Variants in LRRIQ1 observed in about 807,000 individuals in gnomAD.
LRRIQ1 encodes leucine-rich repeat- and IQ domain-containing protein 1.
LRRIQ1 carries 210 observed loss-of-function variants against 211.9 expected under a neutral mutation model. That is an observed-to-expected ratio of 0.99 (90% CI 0.89 to 1.11). LRRIQ1 has a LOEUF of 1.11. Among genes scored for constraint, LRRIQ1 ranks in the 50% most tolerant of loss-of-function variants. The pLI, the probability that LRRIQ1 is intolerant of heterozygous loss-of-function variation, is 0.00. For missense variants in LRRIQ1, 2,136 were observed against 1,939.5 expected (o/e 1.10, Z -1.90); for synonymous variants, 699 against 650.1 (o/e 1.08, Z -1.14).
chr12:85,130,471 G>A (rs1335134919), intron 18 of LRRIQ1, among the ~76,000 whole-genome samples: 3 of 152,146 alleles, frequency 2.0e-5, no homozygotes, highest in African/African-American at 7.2e-5. Context: ...TAAAGAGAAG[G>A]TTCATTACCT....
intron 24 of LRRIQ1, among the ~76,000 whole-genome samples, chr12:85,209,021 CT>C (rs1471424172): frequency 6.6e-6 from 1 of 152,098 alleles, no homozygotes; most frequent in Non-Finnish European, 1.5e-5. Context: ...CACCAGTTAC[CT>C]TAATATTGGC....
chr12:85,076,264 C>G (rs1190379997), intron 11 of LRRIQ1, among the ~76,000 whole-genome samples: 2 of 151,750 alleles, frequency 1.3e-5, no homozygotes, highest in Non-Finnish European at 2.9e-5. Context: ...ACTTTAATAT[C>G]ATAGTGATAT....
In LRRIQ1 at chr12:85,046,017, T is replaced by TA. The variant is rs1190044448; in HGVS notation, c.337-2dup. 1 of 1,545,928 alleles carries TA rather than the reference T, an allele frequency of 6.5e-7. No homozygotes were observed. The highest frequency in any genetic ancestry group is 1.1e-5 in the South Asian group (1 of 88,926). On this transcript the variant is annotated splice_polypyrimidine_tract_variant and splice_region_variant and intron_variant, in intron 4 of 26. Coordinates refer to ENST00000393217, the MANE Select transcript of LRRIQ1 (RefSeq NM_001079910.2). ...AATCATTGGTACTCATTTAACCTCT[T>TA]AGATATTATCTGAAATAGAAAAAGA...
At chr12:85,233,280 C>T (rs1479226279) in intron 26 of LRRIQ1, among the ~76,000 whole-genome samples, 1 of 151,900 alleles carries the variant, frequency 6.6e-6, no homozygotes, top group East Asian at 1.9e-4. Flanking sequence ...AAGTCAATTG[C>T]ACTATATGCT....
intron 18 of LRRIQ1, among the ~76,000 whole-genome samples, chr12:85,128,646 C>A (rs536994440): frequency 6.6e-6 from 1 of 152,256 alleles, no homozygotes; most frequent in South Asian, 2.1e-4. Flanking sequence ...TTTGTCACAT[C>A]TGCTAACATT....
chr12:85,220,800 C>G (rs540185325), intron 24 of LRRIQ1, among the ~76,000 whole-genome samples: 11 of 131,258 alleles, frequency 8.4e-5, no homozygotes, highest in Non-Finnish European at 1.4e-4. Context: ...CCCCCTCCCC[C>G]CTGTTTTTAT....
intron 1 of LRRIQ1, among the ~76,000 whole-genome samples, chr12:85,251,746 T>C (rs955450962): frequency 3.3e-5 from 5 of 149,710 alleles, no homozygotes; most frequent in African/African-American, 1.3e-4. Flanking sequence ...GAAAGACATA[T>C]ATGTGTATTT....
chr12:85,205,372 T>C (rs1893491581), intron 24 of LRRIQ1, among the ~76,000 whole-genome samples: 1 of 152,210 alleles, frequency 6.6e-6, no homozygotes, highest in Admixed American at 6.5e-5. Flanking sequence ...TTACTTGGAC[T>C]GGATATGACA....
chr12:85,208,535 A>ATAG (rs1423152352), intron 24 of LRRIQ1, among the ~76,000 whole-genome samples: 2 of 152,184 alleles, frequency 1.3e-5, no homozygotes, highest in Non-Finnish European at 2.9e-5. Context: ...AATACTTAAG[A>ATAG]TAGTGGATTC....
chr12:85,260,703 C>G (rs1019269540), intron 1 of LRRIQ1, among the ~76,000 whole-genome samples: 3 of 152,100 alleles, frequency 2.0e-5, no homozygotes, highest in African/African-American at 7.2e-5. Context: ...GTTATATTTA[C>G]AAACAATTTT....
chr12:85,175,111 A>C (rs1891626329), intron 24 of LRRIQ1, among the ~76,000 whole-genome samples: 1 of 152,300 alleles, frequency 6.6e-6, no homozygotes, highest in South Asian at 2.1e-4. Flanking sequence ...ATAAAATTTA[A>C]GAATATAAAA....
chr12:85,217,496 ATATATATATATATGTGTGTGTGTG>A (rs1194620945), intron 24 of LRRIQ1, among the ~76,000 whole-genome samples: 64 of 78,330 alleles, frequency 8.2e-4, no homozygotes, highest in African/African-American at 5.5e-3. Flanking sequence ...ATATATGTAT[ATATATATATATATGTGTGTGTGTG>A]TGTGTGTGTG....
rs796773219 is a variant in LRRIQ1, at chr12:85,069,201, C to T, written c.2695+2303C>T. Among the ~76,000 whole-genome samples the T allele has an allele frequency of 6.0e-4, 89 of 147,262 alleles. No individual in the cohort carries two copies. In the East Asian group the frequency reaches 0.011, roughly 18 times the overall value. On this transcript the variant is annotated intron_variant, in intron 10 of 26. Coordinates refer to ENST00000393217, the MANE Select transcript of LRRIQ1 (RefSeq NM_001079910.2). Reference sequence around the variant, plus strand: ...TGAGAACATGCGGTGTTTGGTTTTTCGTCCTTGTGATAGTTTGCTGAGAAT... The same window carrying T: ...TGAGAACATGCGGTGTTTGGTTTTTTGTCCTTGTGATAGTTTGCTGAGAAT...
chr12:85,201,357 A>G (rs1244546302), intron 24 of LRRIQ1, among the ~76,000 whole-genome samples: 1 of 151,308 alleles, frequency 6.6e-6, no homozygotes, highest in East Asian at 1.9e-4. Context: ...AAATAGTTTC[A>G]ATATAAATGA....
chr12:85,067,471 C>T (rs1882561469), intron 10 of LRRIQ1, among the ~76,000 whole-genome samples: 1 of 151,882 alleles, frequency 6.6e-6, no homozygotes, highest in African/African-American at 2.4e-5. Flanking sequence ...AATCTCTTTT[C>T]TTACTTAAGG....
intron 20 of LRRIQ1, 89 bp downstream of exon 20, chr12:85,152,458 T>C: frequency 1.1e-6 from 1 of 945,210 alleles, no homozygotes; most frequent in East Asian, 2.8e-5. Context: ...TACAATTTAT[T>C]GACTTGAAAA....
chr12:85,251,549 T>G (rs1895943606), intron 1 of LRRIQ1, among the ~76,000 whole-genome samples: 1 of 151,950 alleles, frequency 6.6e-6, no homozygotes, highest in African/African-American at 2.4e-5. Flanking sequence ...GCTTGAGGAC[T>G]TGGTTAAATC....
In LRRIQ1 at chr12:85,197,943, T is replaced by A. The variant is rs1370387457; in HGVS notation, c.4823-31574T>A. Reference sequence around the variant, plus strand: ...ATATATATAATATAATTATATATATTTATATATAATTATATATTATATATA... The same window carrying A: ...ATATATATAATATAATTATATATATATATATATAATTATATATTATATATA... On this transcript the variant is annotated intron_variant, in intron 24 of 26. Coordinates refer to ENST00000393217, the MANE Select transcript of LRRIQ1 (RefSeq NM_001079910.2). 2.0e-4 allele frequency among the ~76,000 whole-genome samples: 21 copies of A among 106,408 alleles called. 1 individual carries two copies. The highest frequency in any genetic ancestry group is 3.8e-4 in the Admixed American group (3 of 7,952). The allele number at this position is 106,408 out of a possible 152,430, so 69.8% of individuals were successfully genotyped here.
At chr12:85,231,319 CT>C (rs1337282308) in intron 25 of LRRIQ1, among the ~76,000 whole-genome samples, 1 of 151,926 alleles carries the variant, frequency 6.6e-6, no homozygotes, top group Non-Finnish European at 1.5e-5. Flanking sequence ...GAAAATAAAA[CT>C]TTGTGATCTG....
Sources: allele counts gnomAD v4.1 joint callset (sites outside exome capture counted in the v4.1 genomes callset), GRCh38; gene constraint gnomAD v4.1.1; transcripts MANE v1.5; gene names NCBI Gene and HGNC (gene_info 2026-07-23, HGNC 2026-07-21).